Variants in MINPP1 observed in about 807,000 individuals in gnomAD.
MINPP1 encodes multiple inositol-polyphosphate phosphatase 1.
Under a neutral mutation model 46.1 loss-of-function variants are expected in MINPP1, and 28 were observed. The ratio of observed to expected loss-of-function variants is 0.61; its 90% confidence interval spans 0.45 to 0.83. MINPP1 has a LOEUF of 0.83. MINPP1 is among the 40% of genes least tolerant of loss of function. The pLI, the probability that MINPP1 is intolerant of heterozygous loss-of-function variation, is 0.00. For missense variants in MINPP1, 603 were observed against 610.0 expected (o/e 0.99, Z 0.12); for synonymous variants, 268 against 249.1 (o/e 1.08, Z -0.72).
chr10:87,538,840 G>A (rs1016758440), intron 4 of MINPP1, among the ~76,000 whole-genome samples: 3 of 152,178 alleles, frequency 2.0e-5, no homozygotes, highest in Admixed American at 6.5e-5. Context: ...AGTGTGAAAC[G>A]TGAATTAAGA....
At chr10:87,539,737 C>T (rs1458909469) in intron 4 of MINPP1, among the ~76,000 whole-genome samples, 4 of 152,120 alleles carry the variant, frequency 2.6e-5, no homozygotes, top group Admixed American at 1.3e-4. Flanking sequence ...TTCTTTAGTA[C>T]GAAGTTCCAT....
Position 87,505,400 on chromosome 10 carries a change from C to G in MINPP1, c.485C>G (p.Ala162Gly), listed in dbSNP as rs1851227795. 5 of 1,613,956 alleles carry G rather than the reference C, an allele frequency of 3.1e-6. No individual in the cohort carries two copies. The highest frequency in any genetic ancestry group is 4.2e-6 in the Non-Finnish European group (5 of 1,179,954). Reference protein sequence around the residue: ...QDMRQLALRLASLFPALFSRE... With the variant: ...QDMRQLALRLGSLFPALFSRE... ...ATGCGACAGCTGGCGCTGCGTCTGGCCTCGCTCTTCCCGGCCCTTTTCAGC... is the reference window on the plus strand; with the variant it reads ...ATGCGACAGCTGGCGCTGCGTCTGGGCTCGCTCTTCCCGGCCCTTTTCAGC... Residue 162 changes from alanine (A) to glycine (G), a missense_variant, in exon 1 of 5, where the codon GCC (alanine) becomes GGC (glycine). Coordinates refer to ENST00000371996, the MANE Select transcript of MINPP1 (RefSeq NM_004897.5). The surrounding 1 kb of genome is among the most constrained non-coding windows in gnomAD (Gnocchi z 4.4).
chr10:87,535,583 T>C (rs576812329), intron 4 of MINPP1, among the ~76,000 whole-genome samples: 1 of 152,134 alleles, frequency 6.6e-6, no homozygotes, highest in Admixed American at 6.5e-5. Flanking sequence ...TAGGGTGTTA[T>C]CTATGCCAGA....
rs1851861746 is a variant in MINPP1, at chr10:87,544,530, G to A, written c.1068-7552G>A. ...ATGCTAACCCTGTAATCATGCCTTTGCCTTTTTGCTGACCAGCTCCATCCT... is the reference window on the plus strand; with the variant it reads ...ATGCTAACCCTGTAATCATGCCTTTACCTTTTTGCTGACCAGCTCCATCCT... On this transcript the variant is annotated intron_variant, in intron 4 of 4. Transcript: ENST00000371996. Among the ~76,000 whole-genome samples the A allele has an allele frequency of 3.3e-5, 5 of 152,138 alleles. No individual in the cohort carries two copies. The South Asian group carries it at 1.0e-3, about 32-fold the overall frequency.
At chr10:87,526,510 A>G (rs185546239) in intron 4 of MINPP1, among the ~76,000 whole-genome samples, 2 of 152,192 alleles carry the variant, frequency 1.3e-5, no homozygotes, top group African/African-American at 4.8e-5. Context: ...GTTCACTCTG[A>G]TGGTAGGTTC....
chr10:87,505,207 C>G lies in MINPP1; in HGVS notation c.292C>G (p.Gln98Glu). 1.2e-6 allele frequency: 2 copies of G among 1,611,078 alleles called. No homozygotes were observed. Among genetic ancestry groups the G allele is most frequent in the Non-Finnish European group, 1.7e-6 (2 of 1,178,692 alleles). The change falls in exon 1 of 5, where the codon CAG becomes GAG. Residue 98 changes from glutamine (Q) to glutamate (E), a missense_variant. By Grantham distance (29) the Gln-to-Glu change is conservative (BLOSUM62 2). Around this residue, in one of 3 missense-constraint regions of MINPP1, gnomAD observed 239 missense variants for 189.4 expected, o/e 1.26. Transcript: ENST00000371996. This position sits in a 1 kb window ranked among gnomAD's most constrained non-coding sequence, Gnocchi z 4.4. ...CGGCACCCGCTACCCCACGGTCAAA[C>G]AGATCCGCAAGCTGAGGCAGCTGCA... ...RHGTRYPTVK[Q>E]IRKLRQLHGL...
In MINPP1 at chr10:87,552,468, A is replaced by T. The variant is rs1216733925; in HGVS notation, c.1454A>T (p.Asp485Val). The T allele has an allele frequency of 3.1e-6, 5 of 1,612,380 alleles. No individual in the cohort carries two copies. The highest frequency in any genetic ancestry group is 4.2e-6 in the Non-Finnish European group (5 of 1,179,548). Residue 485 changes from aspartate to valine, a missense_variant, in exon 5 of 5, where the codon GAT becomes GTT. By Grantham distance (152) the Asp-to-Val change is radical. This residue lies in a region of MINPP1 where 344 missense variants were observed against 381.1 expected (regional missense o/e 0.90). Coordinates refer to ENST00000371996, the MANE Select transcript of MINPP1 (RefSeq NM_004897.5). ...CELARANSTS[D>V]EL Reference sequence around the variant, plus strand: ...TTAGCAAGGGCTAACAGTACATCTGATGAACTATGAGTAACTGAAGAACAT... The same window carrying T: ...TTAGCAAGGGCTAACAGTACATCTGTTGAACTATGAGTAACTGAAGAACAT...
In MINPP1 at chr10:87,516,399, G is replaced by T. The variant is rs1450113029; in HGVS notation, c.933+3178G>T. On this transcript the variant is annotated intron_variant, in intron 3 of 4. Coordinates refer to ENST00000371996, the MANE Select transcript of MINPP1 (RefSeq NM_004897.5). The stretch of plus-strand genomic sequence containing the variant: ...TCAGATGCTCCTTAAGTTATGGTGG[G>T]GTTGCATCCAGATAAACCCATGGTA... Among the ~76,000 whole-genome samples, 18 of 104,510 alleles carry T rather than the reference G, an allele frequency of 1.7e-4. 5 individuals carry two copies. The highest frequency in any genetic ancestry group is 5.2e-4 in the African/African-American group (18 of 34,798). The allele number at this position is 104,510 out of a possible 152,430, so 68.6% of individuals were successfully genotyped here.
chr10:87,522,267 T>A (rs2131816327), intron 4 of MINPP1, among the ~76,000 whole-genome samples: 1 of 152,340 alleles, frequency 6.6e-6, no homozygotes, highest in South Asian at 2.1e-4. Context: ...CCAAAATGCT[T>A]ATGACATAAT....
In MINPP1 at chr10:87,552,553, C is replaced by T; in HGVS notation, c.*75C>T. ...CATGCTTGTAATAGGTAGGCAATTCCTTGATTACAGGAAGCTTTTATATTA... is the reference window on the plus strand; with the variant it reads ...CATGCTTGTAATAGGTAGGCAATTCTTTGATTACAGGAAGCTTTTATATTA... On this transcript the variant is annotated 3_prime_UTR_variant, in exon 5 of 5. Transcript: ENST00000371996. The T allele has an allele frequency of 2.8e-6, 4 of 1,425,602 alleles. No individual in the cohort carries two copies. In the East Asian group the frequency reaches 9.1e-5, roughly 32 times the overall value. The allele number at this position is 1,425,602 out of a possible 1,614,324, so 88.3% of individuals were successfully genotyped here.
rs1318475847 is a variant in MINPP1 at position 87,552,291 on chromosome 10, A to G, written c.1277A>G (p.Lys426Arg). 2 of 1,613,738 alleles carry G rather than the reference A, an allele frequency of 1.2e-6. No homozygotes were observed. The highest frequency in any genetic ancestry group is 1.7e-6 in the Non-Finnish European group (2 of 1,179,814). ...GTGCTTTACCACTGTGAAAATGCTA[A>G]GACTCCTAAAGAACAATTCCGAGTG... is the stretch of plus-strand genomic sequence containing the variant. ...IFVLYHCENAKTPKEQFRVQM... is the reference protein window; with the variant it reads ...IFVLYHCENARTPKEQFRVQM... The change falls in exon 5 of 5, where the codon AAG (lysine) becomes AGG (arginine). Residue 426 changes from lysine to arginine, a missense_variant. Around this residue, in one of 3 missense-constraint regions of MINPP1, gnomAD observed 344 missense variants for 381.1 expected, o/e 0.90. Transcript: ENST00000371996.
At chr10:87,539,636 A>G (rs1851784848) in intron 4 of MINPP1, among the ~76,000 whole-genome samples, 2 of 152,232 alleles carry the variant, frequency 1.3e-5, no homozygotes, top group African/African-American at 2.4e-5. Context: ...ATTCCTCAGG[A>G]TGTCACATTG....
intron 4 of MINPP1, among the ~76,000 whole-genome samples, chr10:87,526,200 C>A (rs1851574618): frequency 6.6e-6 from 1 of 152,216 alleles, no homozygotes; most frequent in Non-Finnish European, 1.5e-5. Flanking sequence ...CACATCCTCT[C>A]CAGCACCTGT....
chr10:87,518,444 C>T (rs1405275084), intron 3 of MINPP1, among the ~76,000 whole-genome samples: 3 of 151,796 alleles, frequency 2.0e-5, no homozygotes, highest in Non-Finnish European at 2.9e-5. Context: ...ATTTCATTGC[C>T]TTTGTGTAAG....
At chr10:87,523,821 A>G (rs1048008605) in intron 4 of MINPP1, among the ~76,000 whole-genome samples, 8 of 152,182 alleles carry the variant, frequency 5.3e-5, no homozygotes, top group Non-Finnish European at 1.0e-4. Flanking sequence ...TGTATTGTCA[A>G]TGAGCAGTAA....
At chr10:87,541,462 T>G (rs1851814419) in intron 4 of MINPP1, among the ~76,000 whole-genome samples, 1 of 152,256 alleles carries the variant, frequency 6.6e-6, no homozygotes, top group South Asian at 2.1e-4. Context: ...GATTATGAGT[T>G]AGATGTTTTA....
At chr10:87,506,712 C>T (rs969636286) in intron 1 of MINPP1, among the ~76,000 whole-genome samples, 1 of 152,086 alleles carries the variant, frequency 6.6e-6, no homozygotes, top group Non-Finnish European at 1.5e-5. Context: ...TTCTTGATCA[C>T]TTTTAAGGCC....
Position 87,505,079 on chromosome 10 carries a change from A to T in MINPP1, c.164A>T (p.Asp55Val). The change falls in exon 1 of 5, where the codon GAT (aspartate) becomes GTT (valine). Residue 55 changes from aspartate (D) to valine (V), a missense_variant. By Grantham distance (152) the Asp-to-Val change is radical. Coordinates refer to ENST00000371996, the MANE Select transcript of MINPP1 (RefSeq NM_004897.5). This position sits in a 1 kb window ranked among gnomAD's most constrained non-coding sequence, Gnocchi z 4.4. Reference protein sequence around the residue: ...PYFGTKTRYEDVNPVLLSGPE... With the variant: ...PYFGTKTRYEVVNPVLLSGPE... ...TTCGGCACCAAGACTCGCTACGAGG[A>T]TGTCAACCCCGTGCTATTGTCGGGC... 1.2e-6 allele frequency: 2 copies of T among 1,613,616 alleles called. No homozygotes were observed. The highest frequency in any genetic ancestry group is 1.7e-6 in the Non-Finnish European group (2 of 1,179,910).
chr10:87,517,125 A>G (rs145681318), intron 3 of MINPP1, among the ~76,000 whole-genome samples: 3 of 152,266 alleles, frequency 2.0e-5, no homozygotes, highest in Non-Finnish European at 4.4e-5. Context: ...TAGGATTAAT[A>G]ACTGGGTAAT....
Sources: gnomAD v4.1 joint callset for allele counts (sites outside exome capture counted in the v4.1 genomes callset) on GRCh38, gnomAD v4.1.1 for gene constraint, gnomAD v4.1.1 regional missense constraint, Gnocchi (gnomAD v3.1) non-coding constraint, MANE v1.5 for transcripts, NCBI Gene and HGNC (gene_info 2026-07-23, HGNC 2026-07-21) for gene names.